The following MTFR2 variants were observed in gnomAD, a reference collection of about 807,000 sequenced individuals.
MTFR2 encodes DUF729 domain-containing protein 1.
MTFR2 carries 44 observed loss-of-function variants against 41.2 expected under a neutral mutation model. That is an observed-to-expected ratio of 1.07 (90% CI 0.84 to 1.37). The LOEUF is 1.37. MTFR2 is among the 40% of genes most tolerant of loss of function. The pLI is 0.00. For synonymous variants in MTFR2, 141 were observed against 154.6 expected, an observed-to-expected ratio of 0.91 and a Z score of 0.65; for missense variants, 452 against 459.5, an observed-to-expected ratio of 0.98 and a Z score of 0.15.
chr6:136,240,598 T>TGTGTGCATAAGTTTAAAGC (rs1171896944), intron 5 of MTFR2, among the ~76,000 whole-genome samples: 1 of 152,182 alleles, frequency 6.6e-6, no homozygotes, highest in Non-Finnish European at 1.5e-5. Flanking sequence ...TGTGTGTATG[T>TGTGTGCATAAGTTTAAAGC]GTGTGCATAA....
intron 4 of MTFR2, 76 bp downstream of exon 4, chr6:136,242,785 A>G: frequency 1.8e-6 from 2 of 1,128,770 alleles, no homozygotes; most frequent in Non-Finnish European, 2.6e-6. Flanking sequence ...AAAAAGCTCA[A>G]TCAATCTTAA....
intron 2 of MTFR2, among the ~76,000 whole-genome samples, chr6:136,246,193 C>G (rs1780207473): frequency 6.6e-6 from 1 of 152,184 alleles, no homozygotes; most frequent in African/African-American, 2.4e-5. Context: ...TCTTGCTCGG[C>G]AGTTTCCATC....
At chr6:136,241,305 A>G in intron 5 of MTFR2, 139 bp downstream of exon 5, 1 of 641,294 alleles carries the variant, frequency 1.6e-6, no homozygotes, top group Non-Finnish European at 2.6e-6. Flanking sequence ...ACTTATTCAG[A>G]ATTGTACTCA....
At position 136,239,672 on chromosome 6, in the gene MTFR2, G is replaced by A. The variant is rs756453089; in HGVS notation, c.663C>T (p.Leu221=). The change falls in exon 6 of 8, where the codon CTC becomes CTT. Residue 221 remains leucine, a synonymous_variant. Coordinates refer to ENST00000420702, the MANE Select transcript of MTFR2 (RefSeq NM_001099286.3). ...GTACGGGAGGAAAACACGGTGGCTG[G>A]AGAGATGAAAACTGAGGAGGAAGTG... is the stretch of plus-strand genomic sequence containing the variant. ...PPPLPPQFSS[L]QPPCFPPVQP... 6.2e-7 allele frequency: 1 copy of A among 1,614,046 alleles called. No homozygotes were observed. The highest frequency in any genetic ancestry group is 1.7e-5 in the Admixed American group (1 of 60,006).
At chr6:136,243,683 G>T (rs981622412) in intron 3 of MTFR2, among the ~76,000 whole-genome samples, 1 of 149,626 alleles carries the variant, frequency 6.7e-6, no homozygotes, top group East Asian at 2.0e-4. Context: ...ACTCCACTTC[G>T]TTCAGCCTGG....
chr6:136,241,769 CAATA>C (rs1695198554), intron 4 of MTFR2, 93 bp from the exon 5 acceptor site: 1 of 959,210 alleles, frequency 1.0e-6, no homozygotes, highest in South Asian at 1.7e-5. Context: ...AATCAAAAGA[CAATA>C]AAACAAAATA....
chr6:136,248,836 T>C, intron 2 of MTFR2: 1 of 524,030 alleles, frequency 1.9e-6, no homozygotes, highest in South Asian at 2.8e-5. Context: ...GCATTTGTCC[T>C]ATCAGGTAAA....
In MTFR2 at chr6:136,250,294, C is replaced by T. The variant is rs909959303; in HGVS notation, c.-373G>A. On this transcript the variant is annotated 5_prime_UTR_variant, in exon 1 of 8. Transcript: ENST00000420702. ...AGTCCCTAGGACCGGACTGCTACTT[C>T]CGCATGACAGGACTGCTACTTCCGC... 2 of 152,488 alleles carry T rather than the reference C, an allele frequency of 1.3e-5. No homozygotes were observed. The highest frequency in any genetic ancestry group is 2.9e-5 in the Non-Finnish European group (2 of 68,308). The allele number at this position is 152,488 out of a possible 1,614,324, so 9.4% of individuals were successfully genotyped here.
chr6:136,235,611 G>C lies in MTFR2; in HGVS notation c.870-2112C>G, dbSNP rs781601602. 8.3e-4 allele frequency among the ~76,000 whole-genome samples: 127 copies of C among 152,264 alleles called. 2 individuals carry two copies. Among genetic ancestry groups the C allele is most frequent in the Admixed American group, 2.6e-4 (4 of 15,282 alleles). On this transcript the variant is annotated intron_variant, in intron 6 of 7. Transcript: ENST00000420702. ...AGCTGATGAGGTCAGAGGAAACCTGGGGGTATGCTTTCCCAGAAACCAAGT... is the reference window on the plus strand; with the variant it reads ...AGCTGATGAGGTCAGAGGAAACCTGCGGGTATGCTTTCCCAGAAACCAAGT...
intron 7 of MTFR2, among the ~76,000 whole-genome samples, chr6:136,231,669 T>TAAAAAA (rs71006791): frequency 2.4e-4 from 20 of 82,926 alleles, no homozygotes; most frequent in Middle Eastern, 7.1e-3. Context: ...AAAAACTATG[T>TAAAAAA]AAAAAAAAAA....
intron 2 of MTFR2, among the ~76,000 whole-genome samples, chr6:136,245,790 ATTTCAGGT>A (rs1780198234): frequency 6.6e-6 from 1 of 152,148 alleles, no homozygotes; most frequent in African/African-American, 2.4e-5. Context: ...AGCATTTCAG[ATTTCAGGT>A]TTTGAGTGAT....
intron 6 of MTFR2, among the ~76,000 whole-genome samples, chr6:136,234,538 T>C (rs1189160710): frequency 6.6e-6 from 1 of 151,994 alleles, no homozygotes; most frequent in Non-Finnish European, 1.5e-5. Context: ...TGGAGTGCAG[T>C]GGGCAAACAT....
rs370264235 is a variant in MTFR2 at position 136,248,477 on chromosome 6, T to C, written c.63+560A>G. 4.9e-3 allele frequency among the ~76,000 whole-genome samples: 749 copies of C among 152,282 alleles called. 14 individuals carry two copies. Among genetic ancestry groups the C allele is most frequent in the Admixed American group, 0.034 (515 of 15,302 alleles). ...TAAACAGGAGTTCCCCTGCACAAGC[T>C]CTCTTGCCTGCCACCATGTAAAATG... On this transcript the variant is annotated intron_variant, in intron 2 of 7. Coordinates refer to ENST00000420702, the MANE Select transcript of MTFR2 (RefSeq NM_001099286.3).
chr6:136,233,984 A>G (rs1301753608), intron 6 of MTFR2, among the ~76,000 whole-genome samples: 1 of 152,154 alleles, frequency 6.6e-6, no homozygotes, highest in African/African-American at 2.4e-5. Context: ...TTACAGCAAG[A>G]TTATCATCAA....
In MTFR2 at chr6:136,239,699, T is replaced by TGGA. The variant is rs746926587; in HGVS notation, c.633_635dup (p.Pro213dup). ...GAGATGAAAACTGAGGAGGAAGTGGTGGAGGAGGAGGAGGAGAAAGCACTG... is the reference window on the plus strand; with the variant it reads ...GAGATGAAAACTGAGGAGGAAGTGGTGGAGGAGGAGGAGGAGGAGAAAGCACTG... On this transcript the variant is annotated inframe_insertion, in exon 6 of 8. Coordinates refer to ENST00000420702, the MANE Select transcript of MTFR2 (RefSeq NM_001099286.3). 5.0e-6 allele frequency: 8 copies of TGGA among 1,613,434 alleles called. No homozygotes were observed. The highest frequency in any genetic ancestry group is 2.7e-5 in the African/African-American group (2 of 74,726).
chr6:136,243,095 G>A, intron 3 of MTFR2, 122 bp from the exon 4 acceptor site: 1 of 572,732 alleles, frequency 1.7e-6, no homozygotes, highest in African/African-American at 2.0e-5. Flanking sequence ...ATATTCAATA[G>A]AAAAACATGT....
At chr6:136,248,483 G>A (rs547586602) in intron 2 of MTFR2, among the ~76,000 whole-genome samples, 2 of 152,194 alleles carry the variant, frequency 1.3e-5, no homozygotes, top group Non-Finnish European at 2.9e-5. Flanking sequence ...AAGCTCTCTT[G>A]CCTGCCACCA....
chr6:136,231,796 T>C (rs961718324), intron 7 of MTFR2, among the ~76,000 whole-genome samples: 1 of 151,608 alleles, frequency 6.6e-6, no homozygotes, highest in Non-Finnish European at 1.5e-5. Flanking sequence ...GTTTATCCAC[T>C]ATCACTGGGA....
chr6:136,245,527 G>C (rs896772147), intron 2 of MTFR2, among the ~76,000 whole-genome samples: 12 of 152,142 alleles, frequency 7.9e-5, no homozygotes, highest in Non-Finnish European at 1.6e-4. Context: ...CCAGCCAAAA[G>C]ATGTGATATA....
Sources: gnomAD v4.1 joint callset for allele counts (sites outside exome capture counted in the v4.1 genomes callset) on GRCh38, gnomAD v4.1.1 for gene constraint, MANE v1.5 for transcripts, NCBI Gene and HGNC (gene_info 2026-07-23, HGNC 2026-07-21) for gene names.